The following XRCC4 variants were observed in gnomAD, a reference collection of about 807,000 sequenced individuals.
The protein encoded by XRCC4 is DNA repair protein XRCC4.
Under a neutral mutation model 39.1 loss-of-function variants are expected in XRCC4, and 28 were observed. That is an observed-to-expected ratio of 0.72 (90% CI 0.53 to 0.98). The LOEUF (loss-of-function observed/expected upper bound fraction) is 0.98. XRCC4 is among the 50% of genes least tolerant of loss of function. The pLI, the probability that XRCC4 is intolerant of heterozygous loss-of-function variation, is 0.00. For synonymous variants in XRCC4, 123 were observed against 126.4 expected, an observed-to-expected ratio of 0.97 and a Z score of 0.18; for missense variants, 350 against 376.4, an observed-to-expected ratio of 0.93 and a Z score of 0.58.
intron 2 of XRCC4, among the ~76,000 whole-genome samples, chr5:83,109,563 C>T (rs1469133597): frequency 6.6e-6 from 1 of 151,898 alleles, no homozygotes; most frequent in East Asian, 1.9e-4. Context: ...CACACACATT[C>T]CAACAAATAA....
intron 6 of XRCC4, among the ~76,000 whole-genome samples, chr5:83,225,587 A>G (rs892766665): frequency 2.8e-5 from 4 of 141,836 alleles, no homozygotes; most frequent in Non-Finnish European, 6.0e-5. Flanking sequence ...AGCTTGGTGC[A>G]TCGCCAAATT....
chr5:83,186,940 C>CCTTTTTTTT (rs1750468282), intron 3 of XRCC4, among the ~76,000 whole-genome samples: 1 of 96,828 alleles, frequency 1.0e-5, no homozygotes, highest in African/African-American at 5.5e-5. Flanking sequence ...CTGCTTCTTC[C>CCTTTTTTTT]ATTTTTTTTT....
At chr5:83,138,245 A>C (rs75100218) in intron 3 of XRCC4, among the ~76,000 whole-genome samples, 3,217 of 152,192 alleles carry the variant, frequency 0.021, 93 homozygotes, top group African/African-American at 0.072. Context: ...CCTATTTAAA[A>C]CTGTTTCCCA....
chr5:83,108,003 C>T (rs1228904418), intron 2 of XRCC4, among the ~76,000 whole-genome samples: 1 of 151,882 alleles, frequency 6.6e-6, no homozygotes, highest in Non-Finnish European at 1.5e-5. Context: ...AAAAAATCTT[C>T]TTTCCTCACT....
chr5:83,270,578 C>T (rs889007097), intron 7 of XRCC4, among the ~76,000 whole-genome samples: 1 of 151,820 alleles, frequency 6.6e-6, no homozygotes, highest in Non-Finnish European at 1.5e-5. Context: ...CTTCTGAAAA[C>T]ACAAATTGGA....
chr5:83,193,233 C>A (rs1750790527), intron 3 of XRCC4, among the ~76,000 whole-genome samples: 1 of 151,798 alleles, frequency 6.6e-6, no homozygotes, highest in African/African-American at 2.4e-5. Flanking sequence ...CTGCTCCTGG[C>A]TATGCACCGT....
intron 7 of XRCC4, among the ~76,000 whole-genome samples, chr5:83,299,845 CTGTT>C (rs1175557098): frequency 1.3e-5 from 2 of 151,818 alleles, no homozygotes; most frequent in African/African-American, 2.4e-5. Context: ...ATTGCTGTCT[CTGTT>C]AGTTATAATA....
chr5:83,139,449 G>A (rs1360887834), intron 3 of XRCC4, among the ~76,000 whole-genome samples: 1 of 152,064 alleles, frequency 6.6e-6, no homozygotes, highest in Non-Finnish European at 1.5e-5. Context: ...TTCTCCTTTT[G>A]TAATTAATAA....
At chr5:83,277,835 T>C (rs1754387928) in intron 7 of XRCC4, among the ~76,000 whole-genome samples, 1 of 152,224 alleles carries the variant, frequency 6.6e-6, no homozygotes. Flanking sequence ...ACAGAAACTT[T>C]AGGATAACTA....
chr5:83,209,897 T>C (rs1032887476), intron 6 of XRCC4, among the ~76,000 whole-genome samples: 2 of 152,118 alleles, frequency 1.3e-5, no homozygotes, highest in African/African-American at 2.4e-5. Flanking sequence ...TTCTACATAA[T>C]TACTAGCCCA....
At chr5:83,095,177 T>G (rs1421100041) in intron 1 of XRCC4, among the ~76,000 whole-genome samples, 2 of 152,172 alleles carry the variant, frequency 1.3e-5, no homozygotes, top group African/African-American at 4.8e-5. Context: ...AAAGCTGGCC[T>G]GCTACCTTTG....
chr5:83,252,866 T>G (rs965666658), intron 6 of XRCC4, among the ~76,000 whole-genome samples: 1 of 152,240 alleles, frequency 6.6e-6, no homozygotes, highest in Non-Finnish European at 1.5e-5. Flanking sequence ...TCTTTATATT[T>G]ATCTTGTATA....
intron 3 of XRCC4, among the ~76,000 whole-genome samples, chr5:83,169,400 C>T (rs1290138533): frequency 2.6e-5 from 4 of 151,954 alleles, no homozygotes; most frequent in African/African-American, 9.7e-5. Flanking sequence ...AATTGATTTT[C>T]TTTTAGTATT....
chr5:83,233,594 A>G (rs1275703944), intron 6 of XRCC4, among the ~76,000 whole-genome samples: 2 of 151,994 alleles, frequency 1.3e-5, no homozygotes. Context: ...TTCTATATAT[A>G]AAAGAATTAT....
At chr5:83,264,144 G>T (rs1158698316) in intron 7 of XRCC4, among the ~76,000 whole-genome samples, 1 of 152,134 alleles carries the variant, frequency 6.6e-6, no homozygotes, top group Non-Finnish European at 1.5e-5. Context: ...ATTTTGTTAT[G>T]CCGGATGCTT....
intron 5 of XRCC4, 99 bp downstream of exon 5, chr5:83,203,806 T>A: frequency 7.1e-7 from 1 of 1,412,390 alleles, no homozygotes. Flanking sequence ...TTTGATCATA[T>A]GAGATAATTT....
At chr5:83,094,356 C>T (rs1222344852) in intron 1 of XRCC4, among the ~76,000 whole-genome samples, 17 of 122,074 alleles carry the variant, frequency 1.4e-4, no homozygotes, top group African/African-American at 5.4e-4. Flanking sequence ...CCCTCTCTTC[C>T]CCTCCTTTCC....
intron 3 of XRCC4, among the ~76,000 whole-genome samples, chr5:83,193,732 T>C (rs1750813976): frequency 6.6e-6 from 1 of 152,234 alleles, no homozygotes. Flanking sequence ...AAAAAAACTT[T>C]TTATTTCTAA....
intron 7 of XRCC4, among the ~76,000 whole-genome samples, chr5:83,279,058 AAT>A (rs1004757139): frequency 3.4e-5 from 5 of 146,102 alleles, no homozygotes; most frequent in African/African-American, 9.9e-5. Flanking sequence ...ATATTTTTAT[AAT>A]ATATATAATA....
Sources: gnomAD v4.1 joint callset for allele counts (sites outside exome capture counted in the v4.1 genomes callset) on GRCh38, gnomAD v4.1.1 for gene constraint, MANE v1.5 for transcripts, NCBI Gene and HGNC (gene_info 2026-07-23, HGNC 2026-07-21) for gene names.